DOCK1: variants seen among roughly 807,000 people sequenced by gnomAD.
DOCK1 encodes the protein dedicator of cytokinesis 1.
A neutral mutation model predicts 262.7 loss-of-function variants in DOCK1; 138 were observed. The ratio of observed to expected loss-of-function variants is 0.53; its 90% CI spans 0.46 to 0.61. The LOEUF (loss-of-function observed/expected upper bound fraction) is 0.61, where lower values mean the gene tolerates loss of function less well. Ranked by LOEUF, DOCK1 falls within the 20% of genes least tolerant of loss-of-function variation. The probability of loss-of-function intolerance (pLI) is 0.00; values close to 1 mark genes in which losing one functional copy is unlikely to be tolerated. For synonymous variants in DOCK1, 866 were observed against 867.4 expected, an observed-to-expected ratio of 1.00 and a Z score of 0.03; for missense variants, 1,908 against 2,370.7, an observed-to-expected ratio of 0.80 and a Z score of 4.05.
At chr10:127,329,428 G>T (rs983189507) in intron 29 of DOCK1, among the ~76,000 whole-genome samples, 7 of 151,848 alleles carry the variant, frequency 4.6e-5, no homozygotes, top group Non-Finnish European at 7.4e-5. Flanking sequence ...GCTAGGGCAG[G>T]GTCTCTGGGG....
chr10:126,917,643 C>T (rs1314116089), intron 1 of DOCK1, among the ~76,000 whole-genome samples: 2 of 152,174 alleles, frequency 1.3e-5, no homozygotes, highest in African/African-American at 4.8e-5. Flanking sequence ...CTCCGGACCC[C>T]TTCTGGAAGA....
intron 1 of DOCK1, among the ~76,000 whole-genome samples, chr10:126,925,218 C>T (rs550727838): frequency 5.3e-4 from 80 of 152,346 alleles, no homozygotes; most frequent in Middle Eastern, 3.4e-3. Flanking sequence ...ATAAGCCTAA[C>T]ATACCATAGG....
intron 19 of DOCK1, among the ~76,000 whole-genome samples, chr10:127,039,119 T>G (rs546253250): frequency 6.6e-6 from 1 of 152,224 alleles, no homozygotes. Context: ...TCAATTAATT[T>G]GGTCGCACCA....
At chr10:126,937,618 C>CT (rs1184073089) in intron 1 of DOCK1, among the ~76,000 whole-genome samples, 4 of 150,784 alleles carry the variant, frequency 2.7e-5, no homozygotes, top group African/African-American at 9.8e-5. Flanking sequence ...TGATGTTGAG[C>CT]TTTTTTTTCA....
chr10:127,012,463 C>T lies in DOCK1; in HGVS notation c.1201+89C>T, dbSNP rs371828551. On this transcript the variant is annotated intron_variant, in intron 12 of 51. Coordinates refer to ENST00000623213, the MANE Select transcript of DOCK1 (RefSeq NM_001290223.2). The surrounding 1 kb of genome is among the most constrained non-coding windows in gnomAD (Gnocchi z 4.0). ...GGGTTGGTTTTAGTTTGATGTTGATCATGATGGTGGTGATAATGATGGGGA... is the reference window on the plus strand; with the variant it reads ...GGGTTGGTTTTAGTTTGATGTTGATTATGATGGTGGTGATAATGATGGGGA... The T allele has an allele frequency of 1.8e-6, 2 of 1,128,374 alleles. No homozygotes were observed. 69.9% of individuals were successfully genotyped at this position (1,128,374 alleles called of 1,614,324 possible). A position where few individuals can be genotyped will look rare whatever the true frequency, so the allele number is the denominator to read the frequency against.
intron 25 of DOCK1, among the ~76,000 whole-genome samples, chr10:127,123,756 C>G (rs2049764826): frequency 6.6e-6 from 1 of 152,160 alleles, no homozygotes; most frequent in African/African-American, 2.4e-5. Context: ...GGGCAGTCTC[C>G]TACACGGGCA....
intron 28 of DOCK1, among the ~76,000 whole-genome samples, chr10:127,250,657 T>TG (rs1335717588): frequency 1.3e-5 from 2 of 151,450 alleles, no homozygotes; most frequent in Non-Finnish European, 2.9e-5. Context: ...CAGGCATGGT[T>TG]GGGGGGCACC....
At chr10:127,066,974 G>A (rs950074960) in intron 23 of DOCK1, among the ~76,000 whole-genome samples, 15 of 152,232 alleles carry the variant, frequency 9.9e-5, no homozygotes, top group African/African-American at 3.1e-4. Flanking sequence ...TGGCTATCCC[G>A]TGGTGTTTGG....
Position 126,987,555 on chromosome 10 carries a change from C to A in DOCK1, c.262C>A (p.Leu88Ile). 2 of 1,581,650 alleles carry A rather than the reference C, an allele frequency of 1.3e-6. No homozygotes were observed. Among genetic ancestry groups the A allele is most frequent in the Non-Finnish European group, 8.6e-7 (1 of 1,163,594 alleles). Residue 88 changes from leucine (L) to isoleucine (I), a missense_variant, in exon 5 of 52, where the codon CTC becomes ATC. Around this residue, in one of 9 missense-constraint regions of DOCK1, gnomAD observed 227 missense variants for 254.1 expected, o/e 0.89. Transcript: ENST00000623213. The part of the protein sequence containing the change: ...HETVIPGDLP[L>I]IQEVTTTLRE... ...AACAGTCATCCCGGGTGACCTCCCC[C>A]TCATCCAGGAAGTCACCACGACACT...
intron 46 of DOCK1, among the ~76,000 whole-genome samples, chr10:127,422,049 G>T (rs12783538): frequency 2.8e-3 from 422 of 151,344 alleles, no homozygotes; most frequent in Admixed American, 5.7e-3. Flanking sequence ...TCTTTTTCAC[G>T]AAACTGCCAA....
Position 127,175,401 on chromosome 10 carries a change from C to T in DOCK1, c.2847+47637C>T. 1 of 1,613,698 alleles carries T rather than the reference C, an allele frequency of 6.2e-7. No homozygotes were observed. Among genetic ancestry groups the T allele is most frequent in the Non-Finnish European group, 8.5e-7 (1 of 1,180,044 alleles). ...AACCGCTGTGGGACTAGGCTGGTTC[C>T]CCAGCCCCGGCGGGGTGTGAGTCTG... On this transcript the variant is annotated intron_variant, in intron 27 of 51. Transcript: ENST00000623213. The surrounding 1 kb of genome is among the most constrained non-coding windows in gnomAD (Gnocchi z 6.3).
chr10:127,015,365 C>T lies in DOCK1; in HGVS notation c.1201+2991C>T, dbSNP rs369720146. Among the ~76,000 whole-genome samples, 22 of 152,120 alleles carry T rather than the reference C, an allele frequency of 1.4e-4. No homozygotes were observed. The East Asian group carries it at 2.1e-3, about 15-fold the overall frequency. On this transcript the variant is annotated intron_variant, in intron 12 of 51. Coordinates refer to ENST00000623213, the MANE Select transcript of DOCK1 (RefSeq NM_001290223.2). Reference sequence around the variant, plus strand: ...TGAGCGCCCCCGCCCCCTCTGCCCCCGTCTCCCACCAGGAGCCCTGTGGCT... The same window carrying T: ...TGAGCGCCCCCGCCCCCTCTGCCCCTGTCTCCCACCAGGAGCCCTGTGGCT...
intron 35 of DOCK1, among the ~76,000 whole-genome samples, chr10:127,377,371 A>T (rs1004756637): frequency 1.3e-5 from 2 of 152,206 alleles, no homozygotes; most frequent in African/African-American, 4.8e-5. Context: ...ATGAATATAG[A>T]TGTATACATA....
chr10:127,365,532 TA>T (rs2064858067), intron 33 of DOCK1, among the ~76,000 whole-genome samples: 1 of 152,224 alleles, frequency 6.6e-6, no homozygotes, highest in African/African-American at 2.4e-5. Flanking sequence ...AAATTGCTAT[TA>T]AAGAATCAGG....
At chr10:127,024,355 T>C (rs952050912) in intron 14 of DOCK1, among the ~76,000 whole-genome samples, 1 of 152,172 alleles carries the variant, frequency 6.6e-6, no homozygotes, top group East Asian at 1.9e-4. Flanking sequence ...TAGTCTACAG[T>C]CCCTCACCCT....
At chr10:127,262,473 A>G (rs1471532581) in intron 29 of DOCK1, among the ~76,000 whole-genome samples, 4 of 152,150 alleles carry the variant, frequency 2.6e-5, no homozygotes, top group Admixed American at 6.5e-5. Flanking sequence ...GGAGTTGGTC[A>G]CTGATAACTG....
At chr10:127,219,437 G>A (rs1051079205) in intron 27 of DOCK1, among the ~76,000 whole-genome samples, 10 of 152,022 alleles carry the variant, frequency 6.6e-5, no homozygotes, top group African/African-American at 2.2e-4. Context: ...GGCATGCTAG[G>A]TCATGTCAGG....
chr10:127,273,014 C>T (rs1473851068), intron 29 of DOCK1, among the ~76,000 whole-genome samples: 6 of 152,080 alleles, frequency 3.9e-5, no homozygotes, highest in Non-Finnish European at 5.9e-5. Context: ...TCCCACAACA[C>T]GTGGGAATTC....
At chr10:127,140,131 G>A (rs2051083154) in intron 27 of DOCK1, among the ~76,000 whole-genome samples, 2 of 152,136 alleles carry the variant, frequency 1.3e-5, no homozygotes, top group Admixed American at 1.3e-4. Flanking sequence ...CAGAGAGAAG[G>A]CGCTAGCATC....
Sources: allele counts gnomAD v4.1 joint callset (sites outside exome capture counted in the v4.1 genomes callset), GRCh38; gene constraint gnomAD v4.1.1; regional missense constraint gnomAD v4.1.1; non-coding constraint Gnocchi (gnomAD v3.1); transcripts MANE v1.5; gene names NCBI Gene and HGNC (gene_info 2026-07-23, HGNC 2026-07-21).